The following MOBP variants were observed in gnomAD, a reference collection of about 807,000 sequenced individuals.
MOBP encodes the protein myelin associated oligodendrocyte basic protein, also known as myelin-associated oligodendrocyte basic protein.
Under a neutral mutation model 15.0 loss-of-function variants are expected in MOBP, and 5 were observed. The ratio of observed to expected loss-of-function variants is 0.33; its 90% CI spans 0.17 to 0.70. The LOEUF is 0.70. Among genes scored for constraint, MOBP ranks in the 30% least tolerant of loss-of-function variants. The pLI, the probability that MOBP is intolerant of heterozygous loss-of-function variation, is 0.67. For synonymous variants in MOBP, 88 were observed against 99.0 expected, an observed-to-expected ratio of 0.89 and a Z score of 0.66; for missense variants, 188 against 257.8, an observed-to-expected ratio of 0.73 and a Z score of 1.85.
At chr3:39,513,686 A>G in exon 5 of MOBP, 1 of 453,494 alleles carries the variant, frequency 2.2e-6, no homozygotes, top group Non-Finnish European at 3.9e-6. Flanking sequence ...CTCAATGCAC[A>G]GTTCTTTTTG....
chr3:39,507,367 G>A (rs776477780), downstream of MOBP, among the ~76,000 whole-genome samples: 4 of 152,090 alleles, frequency 2.6e-5, no homozygotes, highest in Non-Finnish European at 4.4e-5. Context: ...TGGCCAATTT[G>A]ACTTTCTGAT....
intron 2 of MOBP, among the ~76,000 whole-genome samples, chr3:39,482,503 T>C (rs1339618284): frequency 1.3e-5 from 2 of 151,850 alleles, no homozygotes; most frequent in Non-Finnish European, 2.9e-5. Flanking sequence ...TATAAAAAAA[T>C]TAGCCGGCCG....
At chr3:39,473,364 AG>A (rs2042497909) in intron 1 of MOBP, among the ~76,000 whole-genome samples, 1 of 152,208 alleles carries the variant, frequency 6.6e-6, no homozygotes, top group Non-Finnish European at 1.5e-5. Flanking sequence ...GGAAGCGCTA[AG>A]GTCTTAGGTC....
chr3:39,476,130 A>T (rs1182682722), intron 1 of MOBP, among the ~76,000 whole-genome samples: 1 of 151,682 alleles, frequency 6.6e-6, no homozygotes. Flanking sequence ...AGCAGGAGAG[A>T]GAGAGGGAGG....
At chr3:39,501,875 T>G (rs2042974379) in intron 2 of MOBP, among the ~76,000 whole-genome samples, 191 bp from the exon 3 acceptor site, 2 of 152,150 alleles carry the variant, frequency 1.3e-5, no homozygotes, top group Non-Finnish European at 2.9e-5. Flanking sequence ...CAAATGAAAA[T>G]TAATGAACTG....
intron 2 of MOBP, among the ~76,000 whole-genome samples, chr3:39,489,690 C>CCCCA (rs3036563): frequency 1.3e-5 from 2 of 150,350 alleles, no homozygotes; most frequent in Non-Finnish European, 2.9e-5. Context: ...TATTGTTCCC[C>CCCCA]GCCCAGCTCC....
chr3:39,517,933 T>C (rs982132815), downstream of MOBP: 3 of 152,232 alleles, frequency 2.0e-5, no homozygotes, highest in Non-Finnish European at 2.9e-5. Context: ...TAAACGACAT[T>C]GGTAAACATA....
At chr3:39,513,405 AC>A (rs1209714900) in exon 5 of MOBP, 1 of 1,614,148 alleles carries the variant, frequency 6.2e-7, no homozygotes, top group Non-Finnish European at 8.5e-7. Context: ...GATCAGGCCA[AC>A]CCCAAAGAAG....
intron 2 of MOBP, among the ~76,000 whole-genome samples, chr3:39,497,204 G>T (rs1164534869): frequency 6.6e-6 from 1 of 152,196 alleles, no homozygotes; most frequent in Non-Finnish European, 1.5e-5. Context: ...AGTGCCTGTA[G>T]GTCACACTTC....
chr3:39,493,475 G>A (rs1239444380), intron 2 of MOBP, among the ~76,000 whole-genome samples: 2 of 151,650 alleles, frequency 1.3e-5, no homozygotes, highest in African/African-American at 4.9e-5. Flanking sequence ...ATTTTTGCCT[G>A]AATCCCCATT....
At chr3:39,489,761 A>G (rs2042768726) in intron 2 of MOBP, among the ~76,000 whole-genome samples, 2 of 152,160 alleles carry the variant, frequency 1.3e-5, no homozygotes, top group Admixed American at 6.5e-5. Flanking sequence ...AGAGGGAGCT[A>G]TAAGTTCCTT....
intron 1 of MOBP, among the ~76,000 whole-genome samples, chr3:39,478,473 C>A (rs1334172745): frequency 2.0e-5 from 3 of 152,184 alleles, no homozygotes; most frequent in African/African-American, 7.2e-5. Flanking sequence ...CATTAAGCAA[C>A]ACATGACTGT....
In MOBP at chr3:39,468,863, A is replaced by C. The variant is rs138318995; in HGVS notation, c.-89+1123A>C. Among the ~76,000 whole-genome samples the C allele has an allele frequency of 1.8e-4, 19 of 102,804 alleles. 3 individuals carry two copies. The East Asian group carries it at 3.8e-3, about 20-fold the overall frequency. The allele number at this position is 102,804 out of a possible 152,430, so 67.4% of individuals were successfully genotyped here. ...TATATACATATATACATGAGTGTGT[A>C]TATATACATATATACATATGTGTGT... On this transcript the variant is annotated intron_variant, in intron 1 of 3. Transcript: ENST00000684792.
At position 39,502,375 on chromosome 3, in the gene MOBP, C is replaced by T. The variant is rs1303649947; in HGVS notation, c.206+100C>T. ...TCCGCACCCCACTCTTCCCCCTAGT[C>T]GGCTCCGGGTTAGGCTCCGACACCG... On this transcript the variant is annotated intron_variant, in intron 3 of 3. Coordinates refer to ENST00000684792, the MANE Select transcript of MOBP (RefSeq NM_001393704.1). This position sits in a 1 kb window ranked among gnomAD's most constrained non-coding sequence, Gnocchi z 6.3. 2 of 1,562,176 alleles carry T rather than the reference C, an allele frequency of 1.3e-6. No homozygotes were observed. Among genetic ancestry groups the T allele is most frequent in the African/African-American group, 1.3e-5 (1 of 74,196 alleles).
chr3:39,504,247 G>A (rs1405518073), downstream of MOBP, among the ~76,000 whole-genome samples: 1 of 152,220 alleles, frequency 6.6e-6, no homozygotes, highest in Non-Finnish European at 1.5e-5. Context: ...CTGAGTAGAA[G>A]GGTCCTAGGA....
In MOBP at chr3:39,502,864, C is replaced by A; in HGVS notation, c.536C>A (p.Ala179Asp). The A allele has an allele frequency of 4.4e-6, 6 of 1,351,982 alleles. No homozygotes were observed. Among genetic ancestry groups the A allele is most frequent in the African/African-American group, 1.5e-5 (1 of 68,952 alleles). The allele number at this position is 1,351,982 out of a possible 1,614,324, so 83.7% of individuals were successfully genotyped here. A position where few individuals can be genotyped will look rare whatever the true frequency, so the allele number is the denominator to read the frequency against. ...GASRGGSPVK[A>D]SRFW ...AGCCGTGGGGGGTCCCCCGTCAAAG[C>A]TTCTAGGTTCTGGTAACACCATCTC... The change falls in exon 4 of 4, where the codon GCT becomes GAT. Residue 179 changes from alanine to aspartate, a missense_variant. Physicochemically the swap from Ala to Asp is moderately radical, Grantham distance 126. Transcript: ENST00000684792. This position sits in a 1 kb window ranked among gnomAD's most constrained non-coding sequence, Gnocchi z 6.3.
chr3:39,471,233 G>A (rs555919849), intron 1 of MOBP, among the ~76,000 whole-genome samples: 5 of 151,206 alleles, frequency 3.3e-5, no homozygotes, highest in Non-Finnish European at 5.9e-5. Flanking sequence ...AGGTTCAAGC[G>A]ATTCTCCTGT....
exon 5 of MOBP, chr3:39,514,965 CGTGTGTGTGTGTGT>C (rs34912911): frequency 0.095 from 13,009 of 137,294 alleles, 607 homozygotes; most frequent in Non-Finnish European, 0.11. Flanking sequence ...CTGGTGTGTG[CGTGTGTGTGTGTGT>C]GTGTGTGTGT....
intron 1 of MOBP, among the ~76,000 whole-genome samples, chr3:39,468,634 CTCTT>C (rs1310640678): frequency 2.6e-5 from 4 of 151,748 alleles, no homozygotes; most frequent in African/African-American, 9.7e-5. Flanking sequence ...CTTTATCATT[CTCTT>C]TCTCTCTCTC....
Sources: gnomAD v4.1 joint callset for allele counts (sites outside exome capture counted in the v4.1 genomes callset) on GRCh38, gnomAD v4.1.1 for gene constraint, Gnocchi (gnomAD v3.1) non-coding constraint, MANE v1.5 for transcripts, NCBI Gene and HGNC (gene_info 2026-07-23, HGNC 2026-07-21) for gene names.